Variants in NCOA3 observed in about 807,000 individuals in gnomAD.
The protein encoded by NCOA3 is CBP-interacting protein.
A neutral mutation model predicts 158.8 loss-of-function variants in NCOA3; 51 were observed. That is an observed-to-expected ratio of 0.32 (90% CI 0.26 to 0.41). The LOEUF (loss-of-function observed/expected upper bound fraction) is 0.41, where lower values mean the gene tolerates loss of function less well. NCOA3 is among the 10% of genes least tolerant of loss of function. The pLI is 1.00. For synonymous variants in NCOA3, 537 were observed against 592.4 expected (o/e 0.91, Z 1.36); for missense variants, 1,510 against 1,746.6 (o/e 0.86, Z 2.41).
chr20:47,604,783 T>C (rs1016671274), intron 2 of NCOA3, among the ~76,000 whole-genome samples: 1 of 152,198 alleles, frequency 6.6e-6, no homozygotes, highest in African/African-American at 2.4e-5. Flanking sequence ...TTTAAACCAA[T>C]TTCAAGATTT....
chr20:47,598,696 C>T (rs1317854023), intron 2 of NCOA3, among the ~76,000 whole-genome samples: 2 of 152,192 alleles, frequency 1.3e-5, no homozygotes, highest in African/African-American at 4.8e-5. Flanking sequence ...CATAATCACA[C>T]AGCTTACACA....
intron 2 of NCOA3, among the ~76,000 whole-genome samples, chr20:47,585,489 C>T (rs1377260323): frequency 6.6e-6 from 1 of 152,116 alleles, no homozygotes; most frequent in Non-Finnish European, 1.5e-5. Context: ...GGTTTGAAAT[C>T]TGAGTTGTCT....
intron 1 of NCOA3, among the ~76,000 whole-genome samples, chr20:47,580,930 GTC>G (rs1461802821): frequency 1.2e-4 from 18 of 152,040 alleles, no homozygotes; most frequent in Admixed American, 1.2e-3. Context: ...GTGAAACCCT[GTC>G]TCTACAAAAA....
intron 1 of NCOA3, among the ~76,000 whole-genome samples, chr20:47,566,626 C>G (rs1398055791): frequency 6.6e-6 from 1 of 152,098 alleles, no homozygotes; most frequent in Non-Finnish European, 1.5e-5. Flanking sequence ...ATCCTTTCAC[C>G]TCAGCCTCCA....
At chr20:47,597,987 T>G (rs968757136) in intron 2 of NCOA3, among the ~76,000 whole-genome samples, 1 of 151,614 alleles carries the variant, frequency 6.6e-6, no homozygotes, top group African/African-American at 2.4e-5. Flanking sequence ...GGCTCACGCC[T>G]GTAATCCCAG....
At chr20:47,540,892 TG>T (rs2084716100) in intron 1 of NCOA3, among the ~76,000 whole-genome samples, 2 of 152,204 alleles carry the variant, frequency 1.3e-5, no homozygotes, top group African/African-American at 2.4e-5. Context: ...AATGAATTCC[TG>T]GGAGATATTT....
At chr20:47,538,341 T>G (rs1236600803) in intron 1 of NCOA3, among the ~76,000 whole-genome samples, 2 of 152,212 alleles carry the variant, frequency 1.3e-5, no homozygotes, top group Admixed American at 1.3e-4. Context: ...AAGCGAAGAA[T>G]AATATTAATT....
intron 19 of NCOA3, 127 bp downstream of exon 19, chr20:47,649,236 A>T: frequency 1.8e-6 from 1 of 561,656 alleles, no homozygotes; most frequent in Non-Finnish European, 3.1e-6. Flanking sequence ...GTAAGAAAGC[A>T]GTCGCATTAA....
chr20:47,521,685 G>T (rs1470120547), intron 1 of NCOA3, among the ~76,000 whole-genome samples: 1 of 152,012 alleles, frequency 6.6e-6, no homozygotes, highest in Non-Finnish European at 1.5e-5. Flanking sequence ...ATCAAAAAAG[G>T]TTGCTCTACA....
intron 1 of NCOA3, among the ~76,000 whole-genome samples, chr20:47,505,561 A>G (rs559917823): frequency 6.6e-6 from 1 of 152,236 alleles, no homozygotes; most frequent in East Asian, 1.9e-4. Context: ...CTTGTTGATC[A>G]TGATTGAAGA....
chr20:47,591,895 A>C (rs1181613486), intron 2 of NCOA3, among the ~76,000 whole-genome samples: 1 of 152,048 alleles, frequency 6.6e-6, no homozygotes, highest in Non-Finnish European at 1.5e-5. Context: ...TTTATCCTGC[A>C]TGGTATTCTT....
intron 2 of NCOA3, among the ~76,000 whole-genome samples, chr20:47,620,277 T>G (rs2086217270): frequency 6.6e-6 from 1 of 151,848 alleles, no homozygotes; most frequent in Non-Finnish European, 1.5e-5. Context: ...GCCTGGCTTA[T>G]TTTTAAAAAA....
intron 2 of NCOA3, among the ~76,000 whole-genome samples, chr20:47,608,225 C>T (rs1056082514): frequency 1.3e-4 from 20 of 152,222 alleles, no homozygotes; most frequent in Admixed American, 2.6e-4. Flanking sequence ...GCAGGAGAAT[C>T]GCTCGAACTG....
chr20:47,647,552 C>G (rs1226794798), intron 18 of NCOA3, among the ~76,000 whole-genome samples, 186 bp downstream of exon 18: 1 of 152,046 alleles, frequency 6.6e-6, no homozygotes, highest in Non-Finnish European at 1.5e-5. Context: ...TGAGAATATT[C>G]TATTTTACAG....
In NCOA3 at chr20:47,627,650, C is replaced by T. The variant is rs2086344507; in HGVS notation, c.622C>T (p.Leu208=). The T allele has an allele frequency of 6.2e-7, 1 of 1,613,982 alleles. No homozygotes were observed. The highest frequency in any genetic ancestry group is 1.7e-5 in the Admixed American group (1 of 59,994). The change falls in exon 7 of 23, where the codon CTG becomes TTG. Residue 208 remains leucine, a synonymous_variant. Transcript: ENST00000371998. Reference sequence around the variant, plus strand: ...GTTGATGAAAACACCACATGATATTCTGGAAGACATAAACGCCAGTCCTGA... The same window carrying T: ...GTTGATGAAAACACCACATGATATTTTGGAAGACATAAACGCCAGTCCTGA... ...RMLMKTPHDI[L]EDINASPEMR...
chr20:47,551,582 T>G (rs2084927597), intron 1 of NCOA3, among the ~76,000 whole-genome samples: 1 of 152,208 alleles, frequency 6.6e-6, no homozygotes, highest in African/African-American at 2.4e-5. Flanking sequence ...GTGTGTGTGT[T>G]TCTTTATGAA....
intron 1 of NCOA3, among the ~76,000 whole-genome samples, chr20:47,504,011 A>G (rs1363135407): frequency 6.6e-6 from 1 of 152,188 alleles, no homozygotes; most frequent in African/African-American, 2.4e-5. Context: ...GGAGGCTGTA[A>G]TATTTCTAGA....
At chr20:47,528,504 C>G (rs553505353) in intron 1 of NCOA3, among the ~76,000 whole-genome samples, 1 of 152,174 alleles carries the variant, frequency 6.6e-6, no homozygotes, top group African/African-American at 2.4e-5. Flanking sequence ...ATTGTTCCCT[C>G]TCTAACCCTC....
chr20:47,528,132 A>G (rs2084486481), intron 1 of NCOA3, among the ~76,000 whole-genome samples: 1 of 152,218 alleles, frequency 6.6e-6, no homozygotes, highest in Admixed American at 6.5e-5. Flanking sequence ...TTTCTTGGTC[A>G]TATGTATATT....
Sources: allele counts gnomAD v4.1 joint callset (sites outside exome capture counted in the v4.1 genomes callset), GRCh38; gene constraint gnomAD v4.1.1; transcripts MANE v1.5; gene names NCBI Gene and HGNC (gene_info 2026-07-23, HGNC 2026-07-21).